The following PRDM15 variants were observed in gnomAD, a reference collection of about 807,000 sequenced individuals.
PRDM15 encodes the protein PR/SET domain 15, also known as PR domain zinc finger protein 15.
In PRDM15, 64 loss-of-function variants were observed where a neutral mutation model predicts 128.6. The observed-to-expected ratio is 0.50, with a 90% CI of 0.41 to 0.61. The LOEUF is 0.61. PRDM15 is among the 20% of genes least tolerant of loss of function. The probability of loss-of-function intolerance (pLI) is 0.00; values close to 1 mark genes in which losing one functional copy is unlikely to be tolerated. For synonymous variants in PRDM15, 615 were observed against 621.8 expected (o/e 0.99, Z 0.16); for missense variants, 1,242 against 1,569.1 (o/e 0.79, Z 3.52).
intron 5 of PRDM15, among the ~76,000 whole-genome samples, chr21:41,847,547 G>C (rs1322166648): frequency 6.6e-6 from 1 of 152,168 alleles, no homozygotes; most frequent in Non-Finnish European, 1.5e-5. Flanking sequence ...CAAGAACCAA[G>C]TGTAATTCCT....
At position 41,857,198 on chromosome 21, in the gene PRDM15, T is replaced by A; in HGVS notation, c.263A>T (p.Lys88Met). 4 of 1,613,118 alleles carry A rather than the reference T, an allele frequency of 2.5e-6. No homozygotes were observed. Among genetic ancestry groups the A allele is most frequent in the Non-Finnish European group, 2.5e-6 (3 of 1,179,474 alleles). ...TACCTTCAGGGGAAATGCAGACTCC[T>A]TTTCCCATTTGGCGACCCTCCTGGA... ...FESRRVAKWE[K>M]ESAFPLKVFQ... Residue 88 changes from lysine (K) to methionine (M), a missense_variant, in exon 4 of 24, where the codon AAG (lysine) becomes ATG (methionine). Physicochemically the swap from Lys to Met is moderately conservative, Grantham distance 95 (BLOSUM62 -1). Coordinates refer to ENST00000398548, the MANE Select transcript of PRDM15 (RefSeq NM_001040424.3).
intron 5 of PRDM15, among the ~76,000 whole-genome samples, chr21:41,848,995 T>C (rs1407429128): frequency 6.6e-6 from 1 of 152,086 alleles, no homozygotes; most frequent in Non-Finnish European, 1.5e-5. Context: ...ATGCCAGAGA[T>C]AGTAACAGTA....
In PRDM15 at chr21:41,857,653, C is replaced by T. The variant is rs374693887; in HGVS notation, c.132-324G>A. On this transcript the variant is annotated intron_variant, in intron 3 of 23. Transcript: ENST00000398548. ...GCATGTGCCTGTAGTCCCAGCTACTCGGGAGGCTAAAGCAGTAGGATGGCT... is the reference window on the plus strand; with the variant it reads ...GCATGTGCCTGTAGTCCCAGCTACTTGGGAGGCTAAAGCAGTAGGATGGCT... 2.1e-3 allele frequency among the ~76,000 whole-genome samples: 318 copies of T among 152,214 alleles called. 1 individual carries two copies. The highest frequency in any genetic ancestry group is 6.8e-3 in the Middle Eastern group (2 of 294).
intron 1 of PRDM15, among the ~76,000 whole-genome samples, chr21:41,870,300 G>C (rs1310430663): frequency 6.6e-6 from 1 of 152,062 alleles, no homozygotes; most frequent in Admixed American, 6.6e-5. Flanking sequence ...CTAAGCCTTA[G>C]CAATCCAGTG....
rs1284873812 is a variant in PRDM15, at chr21:41,803,106, C to CT, written c.2734-186dup. The CT allele has an allele frequency of 5.1e-5, 31 of 605,032 alleles. No individual in the cohort carries two copies. The Middle Eastern group carries it at 1.8e-3, about 34-fold the overall frequency. 37.5% of individuals were successfully genotyped at this position (605,032 alleles called of 1,614,324 possible). The stretch of plus-strand genomic sequence containing the variant: ...TATTTCTAAGGATCGGGGCAAGTTC[C>CT]TTTAGTTGCAGATTTAAAAAAAAAA... On this transcript the variant is annotated intron_variant, in intron 22 of 23. Coordinates refer to ENST00000398548, the MANE Select transcript of PRDM15 (RefSeq NM_001040424.3).
At position 41,861,693 on chromosome 21, in the gene PRDM15, G is replaced by A. The variant is rs1005497201; in HGVS notation, c.-9-1321C>T. 3.7e-6 allele frequency: 6 copies of A among 1,614,062 alleles called. No individual in the cohort carries two copies. The African/African-American group carries it at 8.0e-5, about 22-fold the overall frequency. ...CCCGCTCATCCCCAGCAGCTTGAAG[G>A]GTGAAAAGCAGACCGTGCAAAACTC... On this transcript the variant is annotated intron_variant, in intron 1 of 23. Coordinates refer to ENST00000398548, the MANE Select transcript of PRDM15 (RefSeq NM_001040424.3).
chr21:41,805,509 G>C (rs2061533666), intron 21 of PRDM15, among the ~76,000 whole-genome samples: 1 of 152,124 alleles, frequency 6.6e-6, no homozygotes, highest in Non-Finnish European at 1.5e-5. Context: ...TCCATGACTA[G>C]GTCTGGGCCC....
At chr21:41,865,898 C>T (rs561195895) in intron 1 of PRDM15, among the ~76,000 whole-genome samples, 1 of 152,236 alleles carries the variant, frequency 6.6e-6, no homozygotes, top group Non-Finnish European at 1.5e-5. Context: ...GCACGCACCA[C>T]CATGCCCAGC....
intron 13 of PRDM15, among the ~76,000 whole-genome samples, chr21:41,823,971 G>A (rs546039992): frequency 6.6e-6 from 1 of 152,190 alleles, no homozygotes; most frequent in Non-Finnish European, 1.5e-5. Context: ...CTGTGACCAG[G>A]GCTGGGGTTG....
At chr21:41,836,369 G>T in intron 9 of PRDM15, 99 bp downstream of exon 9, 1 of 1,372,402 alleles carries the variant, frequency 7.3e-7, no homozygotes. Flanking sequence ...CGCAGCTCGT[G>T]GGAGACGACC....
chr21:41,853,960 G>A (rs1453206829), intron 5 of PRDM15, among the ~76,000 whole-genome samples: 1 of 152,190 alleles, frequency 6.6e-6, no homozygotes, highest in Non-Finnish European at 1.5e-5. Flanking sequence ...GACAGGGCTA[G>A]TACCCCAGCC....
chr21:41,874,070 G>GA lies in PRDM15; in HGVS notation c.-10+5199dup, dbSNP rs34938588. ...GTGACGAAGCAAGACTCTGTCTCGGGAAAAAAAAAAAAAAAAAAGCAAACT... is the reference window on the plus strand; with the variant it reads ...GTGACGAAGCAAGACTCTGTCTCGGGAAAAAAAAAAAAAAAAAAAGCAAACT... On this transcript the variant is annotated intron_variant, in intron 1 of 23. Coordinates refer to ENST00000398548, the MANE Select transcript of PRDM15 (RefSeq NM_001040424.3). 7.7e-3 allele frequency among the ~76,000 whole-genome samples: 833 copies of GA among 107,630 alleles called. 7 individuals are homozygous for GA. Among genetic ancestry groups the GA allele is most frequent in the Non-Finnish European group, 0.011 (587 of 51,742 alleles). The allele number at this position is 107,630 out of a possible 152,430, so 70.6% of individuals were successfully genotyped here.
In PRDM15 at chr21:41,860,389, G is replaced by C. The variant is rs199755080; in HGVS notation, c.-9-17C>G. On this transcript the variant is annotated splice_polypyrimidine_tract_variant and intron_variant, in intron 1 of 23. Coordinates refer to ENST00000398548, the MANE Select transcript of PRDM15 (RefSeq NM_001040424.3). Reference sequence around the variant, plus strand: ...CTCTGACACCTGTCAGGATACAAGAGAGCCTCATTAATGACAAGCTCTTAC... The same window carrying C: ...CTCTGACACCTGTCAGGATACAAGACAGCCTCATTAATGACAAGCTCTTAC... 1.2e-6 allele frequency: 2 copies of C among 1,611,430 alleles called. No homozygotes were observed. The highest frequency in any genetic ancestry group is 2.7e-5 in the African/African-American group (2 of 74,950).
At chr21:41,878,898 C>G in intron 1 of PRDM15, 1 of 956,874 alleles carries the variant, frequency 1.0e-6, no homozygotes, top group Non-Finnish European at 1.2e-6. Flanking sequence ...CCCGGCAGCC[C>G]CGCGGCCCCG....
chr21:41,819,462 C>A lies in PRDM15; in HGVS notation c.2260+120G>T, dbSNP rs2062170553. 1.0e-5 allele frequency: 7 copies of A among 674,916 alleles called. 1 individual carries two copies. In the South Asian group the frequency reaches 1.3e-4, roughly 12 times the overall value. The allele number at this position is 674,916 out of a possible 1,614,324, so 41.8% of individuals were successfully genotyped here. A position where few individuals can be genotyped will look rare whatever the true frequency, so the allele number is the denominator to read the frequency against. ...CCCACACTCGGCCCGTGGCCCCGGC[C>A]CCCGCCCCCGCCACACCCACCTTCC... On this transcript the variant is annotated intron_variant, in intron 18 of 23. Coordinates refer to ENST00000398548, the MANE Select transcript of PRDM15 (RefSeq NM_001040424.3).
At chr21:41,819,363 C>T (rs2062165534) in intron 18 of PRDM15, among the ~76,000 whole-genome samples, 1 of 151,032 alleles carries the variant, frequency 6.6e-6, no homozygotes, top group Middle Eastern at 3.2e-3. Context: ...GCTCACATCC[C>T]CTCCCAGCGC....
chr21:41,834,544 C>T (rs1189585311), intron 11 of PRDM15: 6 of 1,550,072 alleles, frequency 3.9e-6, no homozygotes. Flanking sequence ...GGCCCCCCCT[C>T]TCCAGGGTGT....
At position 41,822,014 on chromosome 21, in the gene PRDM15, G is replaced by A. The variant is rs376868955; in HGVS notation, c.1785C>T (p.His595=). The change falls in exon 15 of 24, where the codon CAC becomes CAT. Residue 595 remains histidine, a synonymous_variant. Coordinates refer to ENST00000398548, the MANE Select transcript of PRDM15 (RefSeq NM_001040424.3). ...HFKDIALMDD[H]QREEFIGKIG... ...TCTTGCCGATAAACTCTTCCCTCTG[G>A]TGGTCATCCATCAACGCGATGTCCT... The A allele has an allele frequency of 1.9e-6, 3 of 1,613,970 alleles. No homozygotes were observed. The highest frequency in any genetic ancestry group is 2.5e-6 in the Non-Finnish European group (3 of 1,180,046).
At position 41,879,162 on chromosome 21, in the gene PRDM15, G is replaced by A. The variant is rs2064547277; in HGVS notation, c.-10+108C>T. ...GCGGCTGCCGGGCGCGGGGGGCGGGGGGCAGCGGGCCCAGGGCGCGCCGGG... is the reference window on the plus strand; with the variant it reads ...GCGGCTGCCGGGCGCGGGGGGCGGGAGGCAGCGGGCCCAGGGCGCGCCGGG... On this transcript the variant is annotated intron_variant, in intron 1 of 23. Transcript: ENST00000398548. The surrounding 1 kb of genome is among the most constrained non-coding windows in gnomAD (Gnocchi z 5.1). 1.1e-6 allele frequency: 1 copy of A among 920,104 alleles called. No homozygotes were observed. The highest frequency in any genetic ancestry group is 1.3e-6 in the Non-Finnish European group (1 of 763,330). The allele number at this position is 920,104 out of a possible 1,614,324, so 57.0% of individuals were successfully genotyped here.
Sources: gnomAD v4.1 joint callset for allele counts (sites outside exome capture counted in the v4.1 genomes callset) on GRCh38, gnomAD v4.1.1 for gene constraint, Gnocchi (gnomAD v3.1) non-coding constraint, MANE v1.5 for transcripts, NCBI Gene and HGNC (gene_info 2026-07-23, HGNC 2026-07-21) for gene names.